The following TFR2 variants were observed in gnomAD, a reference collection of about 807,000 sequenced individuals.
TFR2 encodes the protein transferrin receptor 2, also known as transferrin receptor protein 2.
In TFR2, 64 loss-of-function variants were observed where a neutral mutation model predicts 91.9. The observed-to-expected ratio is 0.70, with a 90% CI of 0.57 to 0.86. The LOEUF is 0.86. Among genes scored for constraint, TFR2 ranks in the 40% least tolerant of loss-of-function variants. TFR2 has a pLI of 0.00. For synonymous variants in TFR2, 454 were observed against 459.6 expected (o/e 0.99, Z 0.15); for missense variants, 950 against 1,080.5 (o/e 0.88, Z 1.69).
intron 8 of TFR2, among the ~76,000 whole-genome samples, chr7:100,631,271 C>G (rs530665543): frequency 6.6e-4 from 99 of 149,804 alleles, no homozygotes; most frequent in African/African-American, 2.3e-3. Context: ...GACAGTAGAC[C>G]CTGGAGAAAG....
intron 17 of TFR2, among the ~76,000 whole-genome samples, chr7:100,625,262 T>C (rs1184431092): frequency 6.6e-6 from 1 of 152,008 alleles, no homozygotes; most frequent in African/African-American, 2.4e-5. Context: ...TTTCTCCATG[T>C]TGGTCAGGCT....
intron 3 of TFR2, among the ~76,000 whole-genome samples, chr7:100,634,979 C>T (rs1803547738): frequency 6.6e-6 from 1 of 151,846 alleles, no homozygotes; most frequent in South Asian, 2.1e-4. Context: ...CGCTCTGTCG[C>T]CCAGGCTGGT....
chr7:100,641,055 T>C lies in TFR2; in HGVS notation c.207A>G (p.Pro69=). ...CTGCTGCCGCCCAGGGAATGAGGTT[T>C]GGCTGCCTGGGTCTAGAGCCCAGGG... is the stretch of plus-strand genomic sequence containing the variant. ...PEPLGSRPRQ[P]NLIPWAAAGR... Residue 69 remains proline, a synonymous_variant, in exon 2 of 18, where the codon CCA becomes CCG. Transcript: ENST00000223051. 6.2e-7 allele frequency: 1 copy of C among 1,603,856 alleles called. No individual in the cohort carries two copies. The highest frequency in any genetic ancestry group is 8.5e-7 in the Non-Finnish European group (1 of 1,174,212).
At chr7:100,638,329 A>G (rs893720429) in intron 3 of TFR2, among the ~76,000 whole-genome samples, 17 of 152,104 alleles carry the variant, frequency 1.1e-4, no homozygotes, top group South Asian at 2.1e-4. Flanking sequence ...AGCCCTGAGC[A>G]GGCTGGGTGC....
At chr7:100,639,183 T>C (rs907888839) in intron 3 of TFR2, among the ~76,000 whole-genome samples, 1 of 152,108 alleles carries the variant, frequency 6.6e-6, no homozygotes, top group African/African-American at 2.4e-5. Context: ...CTGGGCAACA[T>C]GGCAAAACCC....
At chr7:100,626,390 C>G in intron 17 of TFR2, 1 of 921,162 alleles carries the variant, frequency 1.1e-6, no homozygotes, top group South Asian at 5.0e-5. Context: ...AGCCTGTAAC[C>G]TCGTATTGTG....
Position 100,632,198 on chromosome 7 carries a change from C to A in TFR2, c.850G>T (p.Val284Leu). The change falls in exon 7 of 18, where the codon GTG (valine) becomes TTG (leucine). Residue 284 changes from valine (V) to leucine (L), a missense_variant and splice_region_variant. Val to Leu is a conservative substitution (Grantham distance 32). Transcript: ENST00000223051. The part of the protein sequence containing the change: ...RVGVISFAQK[V>L]TNAQDFGAQG... ...GCCCCGAAGTCCTGAGCATTGGTCACCTGGGGAGGAAGGTGACTAGAGGAC... is the reference window on the plus strand; with the variant it reads ...GCCCCGAAGTCCTGAGCATTGGTCAACTGGGGAGGAAGGTGACTAGAGGAC... 6.2e-7 allele frequency: 1 copy of A among 1,613,936 alleles called. No individual in the cohort carries two copies. The highest frequency in any genetic ancestry group is 8.5e-7 in the Non-Finnish European group (1 of 1,179,926).
rs775956952 is a variant in TFR2 at position 100,627,949 on chromosome 7, G to A, written c.1563C>T (p.Thr521=). 1.9e-6 allele frequency: 3 copies of A among 1,614,046 alleles called. No individual in the cohort carries two copies. The highest frequency in any genetic ancestry group is 1.1e-5 in the South Asian group (1 of 91,084). Residue 521 remains threonine (T), a synonymous_variant, in exon 13 of 18, where the codon ACC becomes ACT. Coordinates refer to ENST00000223051, the MANE Select transcript of TFR2 (RefSeq NM_003227.4). ...CAATGAGACTTGTCAGAAGGGGGCTGGTCTTGGCATGAAACTTGTCATCCC... is the reference window on the plus strand; with the variant it reads ...CAATGAGACTTGTCAGAAGGGGGCTAGTCTTGGCATGAAACTTGTCATCCC... ...VLGDDKFHAK[T]SPLLTSLIES... is the part of the protein sequence containing the mutation.
intron 17 of TFR2, among the ~76,000 whole-genome samples, chr7:100,626,055 T>C (rs11983745): frequency 0.16 from 24,633 of 152,070 alleles, 2,219 homozygotes; most frequent in Non-Finnish European, 0.2. Context: ...CCCACACTCA[T>C]TGAGGATGAT....
chr7:100,622,457 C>T (rs559819641), intron 17 of TFR2, among the ~76,000 whole-genome samples: 2 of 152,322 alleles, frequency 1.3e-5, no homozygotes, highest in South Asian at 4.1e-4. Flanking sequence ...AAGCTGTCAC[C>T]CTCAAAGGGG....
intron 9 of TFR2, among the ~76,000 whole-genome samples, chr7:100,630,634 C>A (rs577099397): frequency 6.6e-6 from 1 of 152,342 alleles, no homozygotes; most frequent in South Asian, 2.1e-4. Flanking sequence ...TAGGCTTACT[C>A]ACTTCCAGTG....
intron 3 of TFR2, among the ~76,000 whole-genome samples, chr7:100,637,445 T>C (rs575013964): frequency 6.6e-6 from 1 of 151,552 alleles, no homozygotes; most frequent in African/African-American, 2.4e-5. Context: ...AAATCATAAA[T>C]TAGCTGGGCA....
In TFR2 at chr7:100,633,402, G is replaced by A; in HGVS notation, c.614+14C>T. The stretch of plus-strand genomic sequence containing the variant: ...CCCCCTCCCCGCGCGCCCCCCGCCC[G>A]CGCGCGCACTCACGGATCCGGGAAT... On this transcript the variant is annotated intron_variant, in intron 4 of 17. Coordinates refer to ENST00000223051, the MANE Select transcript of TFR2 (RefSeq NM_003227.4). 2 of 1,604,946 alleles carry A rather than the reference G, an allele frequency of 1.2e-6. No individual in the cohort carries two copies. Among genetic ancestry groups the A allele is most frequent in the Non-Finnish European group, 1.7e-6 (2 of 1,175,740 alleles).
chr7:100,622,828 G>A (rs1383640237), intron 17 of TFR2, among the ~76,000 whole-genome samples: 9 of 152,048 alleles, frequency 5.9e-5, no homozygotes, highest in African/African-American at 2.2e-4. Context: ...GTATGCTGAT[G>A]TGTCCCTGTA....
chr7:100,627,375 C>G lies in TFR2; in HGVS notation c.1884G>C (p.Gln628His). The G allele has an allele frequency of 6.4e-7, 1 of 1,555,410 alleles. No homozygotes were observed. The highest frequency in any genetic ancestry group is 8.7e-7 in the Non-Finnish European group (1 of 1,149,344). Reference sequence around the variant, plus strand: ...GATCGTGGCTGAGCCGGATGAGGAGCTGCCCTGCGAGCTGGGCCACGGCCT... The same window carrying G: ...GATCGTGGCTGAGCCGGATGAGGAGGTGCCCTGCGAGCTGGGCCACGGCCT... ...VAQAVAQLAG[Q>H]LLIRLSHDRL... is the part of the protein sequence containing the mutation. The change falls in exon 16 of 18, where the codon CAG becomes CAC. Residue 628 changes from glutamine (Q) to histidine (H), a missense_variant. By Grantham distance (24) the Gln-to-His change is conservative (BLOSUM62 0). Coordinates refer to ENST00000223051, the MANE Select transcript of TFR2 (RefSeq NM_003227.4).
chr7:100,620,734 G>A lies in TFR2; in HGVS notation c.*123C>T. The stretch of plus-strand genomic sequence containing the variant: ...GGGCTCCGTGGAGAGATGTGTAGGG[G>A]TAATGAGAAATTGATCAGCAATGAG... On this transcript the variant is annotated 3_prime_UTR_variant, in exon 18 of 18. Coordinates refer to ENST00000223051, the MANE Select transcript of TFR2 (RefSeq NM_003227.4). The A allele has an allele frequency of 8.8e-6, 12 of 1,368,440 alleles. No individual in the cohort carries two copies. The highest frequency in any genetic ancestry group is 1.2e-5 in the Non-Finnish European group (12 of 980,044). 84.8% of individuals were successfully genotyped at this position (1,368,440 alleles called of 1,614,324 possible). A position where few individuals can be genotyped will look rare whatever the true frequency, so the allele number is the denominator to read the frequency against.
In TFR2 at chr7:100,632,203, G is replaced by T. The variant is rs753366524; in HGVS notation, c.850-5C>A. On this transcript the variant is annotated splice_polypyrimidine_tract_variant and splice_region_variant and intron_variant, in intron 6 of 17. Transcript: ENST00000223051. The stretch of plus-strand genomic sequence containing the variant: ...GAAGTCCTGAGCATTGGTCACCTGG[G>T]GAGGAAGGTGACTAGAGGACTCCTC... 5 of 1,613,248 alleles carry T rather than the reference G, an allele frequency of 3.1e-6. No individual in the cohort carries two copies. The highest frequency in any genetic ancestry group is 4.2e-6 in the Non-Finnish European group (5 of 1,179,276).
At chr7:100,636,014 G>T (rs1319616703) in intron 3 of TFR2, among the ~76,000 whole-genome samples, 1 of 152,114 alleles carries the variant, frequency 6.6e-6, no homozygotes, top group African/African-American at 2.4e-5. Context: ...TGAGAACAAA[G>T]TTAGACTGTT....
At chr7:100,627,205 C>T (rs912377680) in intron 16 of TFR2, 59 bp downstream of exon 16, 3 of 1,521,390 alleles carry the variant, frequency 2.0e-6, no homozygotes, top group Non-Finnish European at 2.7e-6. Flanking sequence ...GGCTGGACCC[C>T]CTGGCCTGGG....
Sources: gnomAD v4.1 joint callset for allele counts (sites outside exome capture counted in the v4.1 genomes callset) on GRCh38, gnomAD v4.1.1 for gene constraint, MANE v1.5 for transcripts, NCBI Gene and HGNC (gene_info 2026-07-23, HGNC 2026-07-21) for gene names.